The following PCBP4 variants were observed in gnomAD, a reference collection of about 807,000 sequenced individuals.
The protein encoded by PCBP4 is poly(rC)-binding protein 4.
A neutral mutation model predicts 46.2 loss-of-function variants in PCBP4; 24 were observed. That is an observed-to-expected ratio of 0.52 (90% confidence interval 0.38 to 0.73). The LOEUF (loss-of-function observed/expected upper bound fraction) is 0.73, where lower values mean the gene tolerates loss of function less well. Among genes scored for constraint, PCBP4 ranks in the 30% least tolerant of loss-of-function variants. The pLI is 0.00. For missense variants in PCBP4, 407 were observed against 537.0 expected, an observed-to-expected ratio of 0.76 and a Z score of 2.39; for synonymous variants, 203 against 224.4, an observed-to-expected ratio of 0.90 and a Z score of 0.85.
chr3:51,958,198 C>T lies in PCBP4; in HGVS notation c.1075G>A (p.Gly359Ser), dbSNP rs146951120. 1 of 1,612,908 alleles carries T rather than the reference C, an allele frequency of 6.2e-7. No individual in the cohort carries two copies. Among genetic ancestry groups the T allele is most frequent in the South Asian group, 1.1e-5 (1 of 91,020 alleles). ...PYAISLSNFI[G>S]LKPMPFLALP... ...GCCAAGAAGGGCATGGGCTTGAGGCCGATGAAGTTGGAGAGGGAGATGGCA... is the reference window on the plus strand; with the variant it reads ...GCCAAGAAGGGCATGGGCTTGAGGCTGATGAAGTTGGAGAGGGAGATGGCA... Residue 359 changes from glycine (G) to serine (S), a missense_variant, in exon 14 of 14, where the codon GGC (glycine) becomes AGC (serine). Transcript: ENST00000461554. The surrounding 1 kb of genome is among the most constrained non-coding windows in gnomAD (Gnocchi z 5.4).
chr3:51,964,649 G>C (rs1013509409), intron 1 of PCBP4, among the ~76,000 whole-genome samples: 4 of 152,180 alleles, frequency 2.6e-5, no homozygotes, highest in Non-Finnish European at 2.9e-5. Context: ...GCAGGGTGTG[G>C]TGGGGGTGGA....
At position 51,958,456 on chromosome 3, in the gene PCBP4, G is replaced by C; in HGVS notation, c.924-107C>G. ...TTAGATGAAAGGCAAGAGAGAGGTA[G>C]TGAACAGAGAACAATAAGGGGAAGA... is the stretch of plus-strand genomic sequence containing the variant. On this transcript the variant is annotated intron_variant, in intron 13 of 13. Transcript: ENST00000461554. This position sits in a 1 kb window ranked among gnomAD's most constrained non-coding sequence, Gnocchi z 5.4. 1 of 778,692 alleles carries C rather than the reference G, an allele frequency of 1.3e-6. No homozygotes were observed. Among genetic ancestry groups the C allele is most frequent in the Non-Finnish European group, 2.0e-6 (1 of 510,158 alleles). 48.2% of individuals were successfully genotyped at this position (778,692 alleles called of 1,614,324 possible). A position where few individuals can be genotyped will look rare whatever the true frequency, so the allele number is the denominator to read the frequency against.
Position 51,959,044 on chromosome 3 carries a change from C to A in PCBP4, c.753+3G>T. 2 of 1,613,854 alleles carry A rather than the reference C, an allele frequency of 1.2e-6. No homozygotes were observed. On this transcript the variant is annotated splice_donor_region_variant and intron_variant, in intron 12 of 13. Coordinates refer to ENST00000461554, the MANE Select transcript of PCBP4 (RefSeq NM_001174100.2). The surrounding 1 kb of genome is among the most constrained non-coding windows in gnomAD (Gnocchi z 5.6). ...CCCTCCAGCCATCCCATCCCCTGCT[C>A]ACATCGTTGGGAACCAAGAACTCCT...
chr3:51,958,273 G>T lies in PCBP4; in HGVS notation c.1000C>A (p.Pro334Thr), dbSNP rs1457753620. 6.3e-7 allele frequency: 1 copy of T among 1,580,064 alleles called. No individual in the cohort carries two copies. The highest frequency in any genetic ancestry group is 1.4e-5 in the African/African-American group (1 of 73,508). Residue 334 changes from proline (P) to threonine (T), a missense_variant, in exon 14 of 14, where the codon CCC becomes ACC. Physicochemically the swap from Pro to Thr is conservative, Grantham distance 38. Coordinates refer to ENST00000461554, the MANE Select transcript of PCBP4 (RefSeq NM_001174100.2). The surrounding 1 kb of genome is among the most constrained non-coding windows in gnomAD (Gnocchi z 5.4). ...GGAGCTGTGGGCAGGGCCGTCAGGG[G>T]TGGCGAGAAGGGGGCAGGCAGGTCT... ...PADLPAPFSP[P>T]LTALPTAPPG...
intron 1 of PCBP4, chr3:51,962,708 T>C (rs1700238657): frequency 1.3e-5 from 2 of 152,294 alleles, no homozygotes; most frequent in South Asian, 4.1e-4. Flanking sequence ...CTCCCCTTGC[T>C]AGACAGAGCT....
rs773152817 is a variant in PCBP4, at chr3:51,960,560, T to A, written c.221A>T (p.His74Leu). ...TITGSTAAVF[H>L]AVSMIAFKLD... ...TTTGAAAGCAATCATGGAGACTGCA[T>A]GGAAGACAGCTGCTGTAGACCCGGT... is the stretch of plus-strand genomic sequence containing the variant. Residue 74 changes from histidine to leucine, a missense_variant, in exon 6 of 14, where the codon CAT becomes CTT. Transcript: ENST00000461554. The surrounding 1 kb of genome is among the most constrained non-coding windows in gnomAD (Gnocchi z 5.0). 3 of 1,614,106 alleles carry A rather than the reference T, an allele frequency of 1.9e-6. No individual in the cohort carries two copies. In the South Asian group the frequency reaches 3.3e-5, roughly 18 times the overall value.
intron 1 of PCBP4, among the ~76,000 whole-genome samples, chr3:51,964,263 C>T (rs1700312656): frequency 6.6e-6 from 1 of 152,184 alleles, no homozygotes; most frequent in Admixed American, 6.5e-5. Context: ...CCCCAGCTGT[C>T]TCTCTCCCAT....
intron 1 of PCBP4, among the ~76,000 whole-genome samples, chr3:51,962,568 G>A (rs926072208): frequency 6.6e-6 from 1 of 152,076 alleles, no homozygotes; most frequent in African/African-American, 2.4e-5. Flanking sequence ...AGGAGGGTGT[G>A]GGGATGAAGG....
chr3:51,966,709 C>T (rs1019151450), intron 1 of PCBP4, among the ~76,000 whole-genome samples: 5 of 152,028 alleles, frequency 3.3e-5, no homozygotes, highest in Non-Finnish European at 7.4e-5. Flanking sequence ...CTCAAGATGG[C>T]GGGCCAGGGA....
At chr3:51,962,453 AG>A (rs955312678) in intron 1 of PCBP4, among the ~76,000 whole-genome samples, 4 of 151,766 alleles carry the variant, frequency 2.6e-5, no homozygotes, top group Non-Finnish European at 5.9e-5. Context: ...CTTGATGGGG[AG>A]CTCACTGGGG....
chr3:51,959,448 G>A lies in PCBP4; in HGVS notation c.592-37C>T, dbSNP rs1215780467. 4 of 1,580,592 alleles carry A rather than the reference G, an allele frequency of 2.5e-6. No homozygotes were observed. Among genetic ancestry groups the A allele is most frequent in the Middle Eastern group, 3.4e-4 (2 of 5,960 alleles). On this transcript the variant is annotated intron_variant, in intron 9 of 13. Transcript: ENST00000461554. This position sits in a 1 kb window ranked among gnomAD's most constrained non-coding sequence, Gnocchi z 5.6. ...AAGTGGATGAAAAGGGGGTTACTGTGACATTGCAGTTCAGCCAGAGTCACT... is the reference window on the plus strand; with the variant it reads ...AAGTGGATGAAAAGGGGGTTACTGTAACATTGCAGTTCAGCCAGAGTCACT...
Position 51,958,374 on chromosome 3 carries a change from G to T in PCBP4, c.924-25C>A. On this transcript the variant is annotated intron_variant, in intron 13 of 13. Transcript: ENST00000461554. This position sits in a 1 kb window ranked among gnomAD's most constrained non-coding sequence, Gnocchi z 5.4. Reference sequence around the variant, plus strand: ...ACTGGAGAGAGGGATATAGAGGGGAGACAAAGGGGAAAGTGGGAGTGAGAG... The same window carrying T: ...ACTGGAGAGAGGGATATAGAGGGGATACAAAGGGGAAAGTGGGAGTGAGAG... 4.9e-6 allele frequency: 7 copies of T among 1,438,500 alleles called. No homozygotes were observed. The highest frequency in any genetic ancestry group is 6.4e-6 in the Non-Finnish European group (7 of 1,091,762). 89.1% of individuals were successfully genotyped at this position (1,438,500 alleles called of 1,614,324 possible). A position where few individuals can be genotyped will look rare whatever the true frequency, so the allele number is the denominator to read the frequency against.
Position 51,959,828 on chromosome 3 carries a change from G to A in PCBP4, c.516+67C>T. On this transcript the variant is annotated intron_variant, in intron 8 of 13. Coordinates refer to ENST00000461554, the MANE Select transcript of PCBP4 (RefSeq NM_001174100.2). This position sits in a 1 kb window ranked among gnomAD's most constrained non-coding sequence, Gnocchi z 5.6. ...CACCTGCAGCACAGGCATAGGGTTT[G>A]GGGTCCCCGACAAGGCAGACCCAGG... 1 of 1,547,852 alleles carries A rather than the reference G, an allele frequency of 6.5e-7. No individual in the cohort carries two copies.
chr3:51,958,366 A>G lies in PCBP4; in HGVS notation c.924-17T>C. 1 of 1,461,280 alleles carries G rather than the reference A, an allele frequency of 6.8e-7. No individual in the cohort carries two copies. The highest frequency in any genetic ancestry group is 9.0e-7 in the Non-Finnish European group (1 of 1,105,874). 90.5% of individuals were successfully genotyped at this position (1,461,280 alleles called of 1,614,324 possible). On this transcript the variant is annotated splice_polypyrimidine_tract_variant and intron_variant, in intron 13 of 13. Coordinates refer to ENST00000461554, the MANE Select transcript of PCBP4 (RefSeq NM_001174100.2). This position sits in a 1 kb window ranked among gnomAD's most constrained non-coding sequence, Gnocchi z 5.4. The stretch of plus-strand genomic sequence containing the variant: ...GTCTCTAGACTGGAGAGAGGGATAT[A>G]GAGGGGAGACAAAGGGGAAAGTGGG...
rs757253411 is a variant in PCBP4 at position 51,960,852 on chromosome 3, A to G, written c.138+14T>C. 5.0e-6 allele frequency: 8 copies of G among 1,613,940 alleles called. No individual in the cohort carries two copies. The African/African-American group carries it at 6.7e-5, about 13-fold the overall frequency. On this transcript the variant is annotated intron_variant, in intron 5 of 13. Transcript: ENST00000461554. The surrounding 1 kb of genome is among the most constrained non-coding windows in gnomAD (Gnocchi z 5.0). The stretch of plus-strand genomic sequence containing the variant: ...TCAGGTGCCCTGGGCTCCTCCCCCA[A>G]ACTCCATCCTCACCTGCTCCCGGAT...
At position 51,959,482 on chromosome 3, in the gene PCBP4, C is replaced by G; in HGVS notation, c.592-71G>C. 9 of 1,530,130 alleles carry G rather than the reference C, an allele frequency of 5.9e-6. No individual in the cohort carries two copies. Among genetic ancestry groups the G allele is most frequent in the Non-Finnish European group, 8.0e-6 (9 of 1,129,860 alleles). The allele number at this position is 1,530,130 out of a possible 1,614,324, so 94.8% of individuals were successfully genotyped here. A position where few individuals can be genotyped will look rare whatever the true frequency, so the allele number is the denominator to read the frequency against. On this transcript the variant is annotated intron_variant, in intron 9 of 13. Transcript: ENST00000461554. This position sits in a 1 kb window ranked among gnomAD's most constrained non-coding sequence, Gnocchi z 5.6. ...GTTCAGCCAGAGTCACTCCTTCCCC[C>G]GTCCCTGGACCTCCAATTCCTTCTT... is the stretch of plus-strand genomic sequence containing the variant.
chr3:51,961,449 A>G (rs1700175588), intron 2 of PCBP4, 145 bp from the exon 3 acceptor site: 1 of 988,318 alleles, frequency 1.0e-6, no homozygotes, highest in Non-Finnish European at 1.4e-6. Flanking sequence ...CACTCTGACC[A>G]GGGTGCTTAT....
Position 51,959,107 on chromosome 3 carries a change from G to T in PCBP4, c.701-8C>A, listed in dbSNP as rs1233938581. On this transcript the variant is annotated splice_polypyrimidine_tract_variant and splice_region_variant and intron_variant, in intron 11 of 13. Coordinates refer to ENST00000461554, the MANE Select transcript of PCBP4 (RefSeq NM_001174100.2). This position sits in a 1 kb window ranked among gnomAD's most constrained non-coding sequence, Gnocchi z 5.6. ...GTGTGCCGGGATCCAGTCCTGAGGG[G>T]GAGAAGAGGGACTGAGTGTGGTTCT... The T allele has an allele frequency of 1.2e-6, 2 of 1,613,798 alleles. No individual in the cohort carries two copies. Among genetic ancestry groups the T allele is most frequent in the Non-Finnish European group, 1.7e-6 (2 of 1,179,842 alleles).
chr3:51,959,529 TC>T lies in PCBP4; in HGVS notation c.591+47del. ...TCTTCCATCCCCTCCTCTATCTCAA[TC>T]CCCCTTCTCCAGTAATGTGTCCCAC... On this transcript the variant is annotated intron_variant, in intron 9 of 13. Coordinates refer to ENST00000461554, the MANE Select transcript of PCBP4 (RefSeq NM_001174100.2). The surrounding 1 kb of genome is among the most constrained non-coding windows in gnomAD (Gnocchi z 5.6). 6.5e-7 allele frequency: 1 copy of T among 1,532,756 alleles called. No homozygotes were observed. The highest frequency in any genetic ancestry group is 8.8e-7 in the Non-Finnish European group (1 of 1,130,558). The allele number at this position is 1,532,756 out of a possible 1,614,324, so 94.9% of individuals were successfully genotyped here. A position where few individuals can be genotyped will look rare whatever the true frequency, so the allele number is the denominator to read the frequency against.
Sources: allele counts gnomAD v4.1 joint callset (sites outside exome capture counted in the v4.1 genomes callset), GRCh38; gene constraint gnomAD v4.1.1; non-coding constraint Gnocchi (gnomAD v3.1); transcripts MANE v1.5; gene names NCBI Gene and HGNC (gene_info 2026-07-23, HGNC 2026-07-21).